PALLD: variants seen among roughly 807,000 people sequenced by gnomAD.
The protein encoded by PALLD is palladin, cytoskeletal associated protein, also known as palladin.
In PALLD, 61 loss-of-function variants were observed where a neutral mutation model predicts 123.5. The observed-to-expected ratio is 0.49, with a 90% CI of 0.40 to 0.61. PALLD has a LOEUF of 0.61. Among genes scored for constraint, PALLD ranks in the 20% least tolerant of loss-of-function variants. PALLD has a pLI of 0.00. For missense variants in PALLD, 1,273 were observed against 1,377.0 expected, an observed-to-expected ratio of 0.92 and a Z score of 1.20; for synonymous variants, 465 against 496.4, an observed-to-expected ratio of 0.94 and a Z score of 0.84.
intron 10 of PALLD, among the ~76,000 whole-genome samples, chr4:168,764,654 G>C (rs1342589079): frequency 6.6e-6 from 1 of 151,960 alleles, no homozygotes; most frequent in African/African-American, 2.4e-5. Flanking sequence ...TTTCTAACAG[G>C]TGTCCATGCG....
At chr4:168,643,686 C>T (rs560850289) in intron 2 of PALLD, among the ~76,000 whole-genome samples, 1 of 152,144 alleles carries the variant, frequency 6.6e-6, no homozygotes, top group Admixed American at 6.5e-5. Flanking sequence ...CATTTATGAC[C>T]GCAGGTGACC....
chr4:168,893,641 C>T (rs1404292946), intron 11 of PALLD, among the ~76,000 whole-genome samples: 1 of 152,110 alleles, frequency 6.6e-6, no homozygotes, highest in Non-Finnish European at 1.5e-5. Context: ...AAAATGCTCC[C>T]GATGAGGCAG....
chr4:168,764,508 C>A (rs1409355214), intron 10 of PALLD, among the ~76,000 whole-genome samples: 1 of 152,080 alleles, frequency 6.6e-6, no homozygotes, highest in African/African-American at 2.4e-5. Context: ...GCCTCAAATT[C>A]CTGGGCTCAA....
chr4:168,773,840 C>T (rs1440233663), intron 10 of PALLD, among the ~76,000 whole-genome samples: 1 of 152,166 alleles, frequency 6.6e-6, no homozygotes. Context: ...ACACACCCAA[C>T]TTCAGATAGC....
chr4:168,797,767 T>A (rs1347965019), intron 10 of PALLD, among the ~76,000 whole-genome samples: 1 of 152,076 alleles, frequency 6.6e-6, no homozygotes, highest in Non-Finnish European at 1.5e-5. Flanking sequence ...CTGATTTAGC[T>A]CAGATTTTTG....
intron 8 of PALLD, among the ~76,000 whole-genome samples, chr4:168,704,953 A>G (rs903148834): frequency 1.3e-5 from 2 of 152,158 alleles, no homozygotes; most frequent in Non-Finnish European, 2.9e-5. Flanking sequence ...CTAGAATTTT[A>G]ATTTCAGAAG....
At chr4:168,794,478 GCA>G (rs749605017) in intron 10 of PALLD, among the ~76,000 whole-genome samples, 5 of 144,118 alleles carry the variant, frequency 3.5e-5, no homozygotes, top group East Asian at 3.0e-4. Flanking sequence ...ACGTGCACAC[GCA>G]CACACACATG....
intron 10 of PALLD, among the ~76,000 whole-genome samples, chr4:168,871,979 C>T (rs1338872226): frequency 6.6e-6 from 1 of 152,210 alleles, no homozygotes; most frequent in African/African-American, 2.4e-5. Flanking sequence ...TGAGACATCT[C>T]AACATCTGGA....
At chr4:168,902,630 C>T (rs911129212) in intron 14 of PALLD, among the ~76,000 whole-genome samples, 4 of 152,048 alleles carry the variant, frequency 2.6e-5, no homozygotes, top group South Asian at 2.1e-4. Flanking sequence ...GCCTGGGCAA[C>T]GGAGCGAGAC....
chr4:168,818,770 A>C (rs2150781499), intron 10 of PALLD, among the ~76,000 whole-genome samples: 2 of 152,334 alleles, frequency 1.3e-5, no homozygotes, highest in Admixed American at 1.3e-4. Flanking sequence ...ATATTCTCTT[A>C]TCTCAACAAT....
intron 10 of PALLD, among the ~76,000 whole-genome samples, chr4:168,831,440 T>A (rs1274619023): frequency 6.6e-6 from 1 of 152,228 alleles, no homozygotes; most frequent in Non-Finnish European, 1.5e-5. Context: ...TGAATTTAGC[T>A]TTTTATTACA....
intron 16 of PALLD, among the ~76,000 whole-genome samples, chr4:168,914,576 C>T (rs1407187619): frequency 6.6e-6 from 1 of 152,116 alleles, no homozygotes; most frequent in African/African-American, 2.4e-5. Flanking sequence ...AGTTCTGAGT[C>T]TATGCAAGGA....
At chr4:168,653,746 C>G (rs561464593) in intron 2 of PALLD, among the ~76,000 whole-genome samples, 1 of 152,224 alleles carries the variant, frequency 6.6e-6, no homozygotes, top group African/African-American at 2.4e-5. Flanking sequence ...AGAGTCTCAT[C>G]TGGAGACTCC....
intron 8 of PALLD, among the ~76,000 whole-genome samples, chr4:168,702,184 GCTAGAAAAAAAGAACATCAGCT>G (rs1337676024): frequency 7.4e-4 from 112 of 152,150 alleles, no homozygotes; most frequent in African/African-American, 1.8e-3. Flanking sequence ...AACTAGAGAG[GCTAGAAAAAAAGAACATCAGCT>G]CTAGAAAAAA....
intron 10 of PALLD, among the ~76,000 whole-genome samples, chr4:168,854,594 C>T (rs1748305148): frequency 6.6e-6 from 1 of 152,134 alleles, no homozygotes; most frequent in African/African-American, 2.4e-5. Context: ...CAGGTGCCGC[C>T]GCTCCTGCTG....
intron 8 of PALLD, among the ~76,000 whole-genome samples, chr4:168,706,227 A>G (rs1056170156): frequency 2.6e-5 from 4 of 152,128 alleles, no homozygotes; most frequent in African/African-American, 9.7e-5. Context: ...TGACTAGTTT[A>G]GATACCTCTT....
intron 10 of PALLD, among the ~76,000 whole-genome samples, chr4:168,858,318 G>A (rs200200156): frequency 4.2e-4 from 64 of 151,988 alleles, no homozygotes; most frequent in Admixed American, 7.9e-4. Flanking sequence ...TATTTTTCCC[G>A]GCATCTTGTT....
intron 5 of PALLD, among the ~76,000 whole-genome samples, chr4:168,684,613 TA>T (rs550948719): frequency 4.5e-4 from 68 of 152,262 alleles, no homozygotes; most frequent in Non-Finnish European, 7.6e-4. Context: ...TGGCATAGAG[TA>T]AATATTAATA....
chr4:168,717,194 A>T (rs1410087589), intron 10 of PALLD, among the ~76,000 whole-genome samples: 3 of 152,090 alleles, frequency 2.0e-5, no homozygotes, highest in Admixed American at 6.6e-5. Context: ...TTGCTCTTTC[A>T]CTAGGACCCT....
Sources: allele counts gnomAD v4.1 joint callset (sites outside exome capture counted in the v4.1 genomes callset), GRCh38; gene constraint gnomAD v4.1.1; transcripts MANE v1.5; gene names NCBI Gene and HGNC (gene_info 2026-07-23, HGNC 2026-07-21).